Variants in ZRANB1 observed in about 807,000 individuals in gnomAD.
ZRANB1 encodes the protein ubiquitin thioesterase ZRANB1.
A neutral mutation model predicts 80.5 loss-of-function variants in ZRANB1; 16 were observed. The ratio of observed to expected loss-of-function variants is 0.20; its 90% CI spans 0.13 to 0.30. The LOEUF (loss-of-function observed/expected upper bound fraction) is 0.30. Ranked by LOEUF, ZRANB1 falls within the 10% of genes least tolerant of loss-of-function variation. The pLI is 1.00. For synonymous variants in ZRANB1, 291 were observed against 293.1 expected, an observed-to-expected ratio of 0.99 and a Z score of 0.07; for missense variants, 576 against 862.6, an observed-to-expected ratio of 0.67 and a Z score of 4.16.
At position 124,943,001 on chromosome 10, in the gene ZRANB1, G is replaced by A. The variant is rs1482750063; in HGVS notation, c.508G>A (p.Val170Ile). The A allele has an allele frequency of 1.2e-6, 2 of 1,614,204 alleles. No individual in the cohort carries two copies. The highest frequency in any genetic ancestry group is 1.3e-5 in the African/African-American group (1 of 75,058). The change falls in exon 1 of 9, where the codon GTT becomes ATT. Residue 170 changes from valine (V) to isoleucine (I), a missense_variant. Transcript: ENST00000359653. Reference protein sequence around the residue: ...YENWAKAKRCVVCDHPRPNNI... With the variant: ...YENWAKAKRCIVCDHPRPNNI... ...AAACTGGGCCAAGGCTAAAAGATGT[G>A]TTGTTTGTGATCATCCCAGACCTAA...
chr10:124,927,081 G>GA, the ZRANB1 span, among the ~76,000 whole-genome samples: 1 of 152,122 alleles, frequency 6.6e-6, no homozygotes, highest in East Asian at 1.9e-4. Flanking sequence ...TCAGCCTCCT[G>GA]AGTAGCTGGG....
At chr10:124,917,268 G>A in the ZRANB1 span, 379 of 154,302 alleles carry the variant, frequency 2.5e-3, 5 homozygotes, top group African/African-American at 8.9e-3. Context: ...AGCCGCCGCC[G>A]CCAGGTAACC....
At chr10:124,964,038 G>A (rs1347975296) in intron 1 of ZRANB1, among the ~76,000 whole-genome samples, 1 of 152,212 alleles carries the variant, frequency 6.6e-6, no homozygotes, top group African/African-American at 2.4e-5. Context: ...TGCCATGCTG[G>A]GGAATGGGCA....
At chr10:124,963,024 G>A (rs1008130090) in intron 1 of ZRANB1, among the ~76,000 whole-genome samples, 5 of 152,144 alleles carry the variant, frequency 3.3e-5, no homozygotes, top group African/African-American at 1.2e-4. Context: ...CCAGCACTTT[G>A]GGAGGCCGAG....
chr10:124,919,140 C>T, the ZRANB1 span, among the ~76,000 whole-genome samples: 8 of 152,180 alleles, frequency 5.3e-5, 1 homozygote, highest in Admixed American at 3.3e-4. Context: ...TTTTGGAACT[C>T]ATGATCTAGT....
At chr10:124,964,679 T>C (rs1398905795) in intron 1 of ZRANB1, among the ~76,000 whole-genome samples, 1 of 152,214 alleles carries the variant, frequency 6.6e-6, no homozygotes, top group Non-Finnish European at 1.5e-5. Context: ...TGGAAGTGTT[T>C]GGAACATTTT....
upstream of ZRANB1, among the ~76,000 whole-genome samples, chr10:124,939,735 T>G (rs1031300976): frequency 6.6e-6 from 1 of 152,202 alleles, no homozygotes; most frequent in African/African-American, 2.4e-5. Context: ...CATGCTCATT[T>G]TAATTTCCAG....
intron 1 of ZRANB1, chr10:124,945,434 T>TTTTTTTTTTTTTTTTTTA (rs60442724): frequency 8.1e-6 from 1 of 123,872 alleles, no homozygotes; most frequent in Non-Finnish European, 1.7e-5. Flanking sequence ...TTTTTTTTTT[T>TTTTTTTTTTTTTTTTTTA]CAGGGAGTAG....
chr10:124,985,175 A>G lies in ZRANB1; in HGVS notation c.*183A>G. On this transcript the variant is annotated 3_prime_UTR_variant, in exon 9 of 9. Coordinates refer to ENST00000359653, the MANE Select transcript of ZRANB1 (RefSeq NM_017580.3). The stretch of plus-strand genomic sequence containing the variant: ...TAATGCCTCTGCTGCGTGAGGAGAC[A>G]GAGAACTTTAGTTGGACTACAGTTT... 1 of 524,342 alleles carries G rather than the reference A, an allele frequency of 1.9e-6. No homozygotes were observed. The highest frequency in any genetic ancestry group is 3.3e-6 in the Non-Finnish European group (1 of 298,550). 32.5% of individuals were successfully genotyped at this position (524,342 alleles called of 1,614,324 possible).
chr10:124,922,487 G>C, the ZRANB1 span, among the ~76,000 whole-genome samples: 1 of 144,006 alleles, frequency 6.9e-6, no homozygotes, highest in Non-Finnish European at 1.5e-5. Context: ...CACCACACCT[G>C]GCTAATTTTT....
At chr10:124,971,476 G>A (rs1350155031) in intron 2 of ZRANB1, among the ~76,000 whole-genome samples, 2 of 152,180 alleles carry the variant, frequency 1.3e-5, no homozygotes, top group African/African-American at 4.8e-5. Context: ...AGGGCTTGAG[G>A]TCAGTGGGAA....
At chr10:124,966,445 T>C (rs1951776954) in intron 1 of ZRANB1, 149 bp from the exon 2 acceptor site, 2 of 768,028 alleles carry the variant, frequency 2.6e-6, no homozygotes, top group African/African-American at 1.7e-5. Flanking sequence ...AAAAACTTAT[T>C]TTCCTTACTC....
chr10:124,985,340 A>T lies in ZRANB1; in HGVS notation c.*348A>T, dbSNP rs1325501183. ...CCAGCATCTTCATATTATTGAGAAA[A>T]TTTTTTCCAGCATGGGCACTTAGAA... On this transcript the variant is annotated 3_prime_UTR_variant, in exon 9 of 9. Transcript: ENST00000359653. 2 of 179,812 alleles carry T rather than the reference A, an allele frequency of 1.1e-5. No homozygotes were observed. The highest frequency in any genetic ancestry group is 2.3e-5 in the Non-Finnish European group (2 of 86,584). 11.1% of individuals were successfully genotyped at this position (179,812 alleles called of 1,614,324 possible).
rs143568810 is a variant in ZRANB1 at position 124,942,638 on chromosome 10, G to A, written c.145G>A (p.Val49Ile). ...TCCATTTAAAAGTGGTTCAAGTGAT[G>A]TTGGTAGAGATTGGGATCCTTCCAG... ...EDPFKSGSSDVGRDWDPSSTE... is the reference protein window; with the variant it reads ...EDPFKSGSSDIGRDWDPSSTE... Residue 49 changes from valine (V) to isoleucine (I), a missense_variant, in exon 1 of 9, where the codon GTT becomes ATT. Val to Ile is a conservative substitution (Grantham distance 29). Coordinates refer to ENST00000359653, the MANE Select transcript of ZRANB1 (RefSeq NM_017580.3). 2,308 of 1,614,258 alleles carry A rather than the reference G, an allele frequency of 1.4e-3. 33 individuals are homozygous for A. The African/African-American group carries it at 0.028, about 20-fold the overall frequency.
chr10:124,983,732 A>AC lies in ZRANB1; in HGVS notation c.1908+46dup, dbSNP rs1951964156. ...GAACTATTTCTAGTAGTGACCTTGT[A>AC]CCAGAAACAGCCTGAAGTGCCTTTC... On this transcript the variant is annotated intron_variant, in intron 8 of 8. Coordinates refer to ENST00000359653, the MANE Select transcript of ZRANB1 (RefSeq NM_017580.3). This position sits in a 1 kb window ranked among gnomAD's most constrained non-coding sequence, Gnocchi z 6.2. 6.8e-7 allele frequency: 1 copy of AC among 1,462,540 alleles called. No homozygotes were observed. The highest frequency in any genetic ancestry group is 1.4e-5 in the African/African-American group (1 of 71,290). 90.6% of individuals were successfully genotyped at this position (1,462,540 alleles called of 1,614,324 possible). A position where few individuals can be genotyped will look rare whatever the true frequency, so the allele number is the denominator to read the frequency against.
At chr10:124,918,467 G>C in the ZRANB1 span, among the ~76,000 whole-genome samples, 24 of 152,346 alleles carry the variant, frequency 1.6e-4, no homozygotes, top group African/African-American at 5.8e-4. Flanking sequence ...TGGATTATAG[G>C]CATGTGCCAC....
chr10:124,978,006 C>T (rs1951894642), intron 5 of ZRANB1, among the ~76,000 whole-genome samples: 2 of 152,144 alleles, frequency 1.3e-5, no homozygotes, highest in African/African-American at 4.8e-5. Flanking sequence ...GTTTACAGTT[C>T]AGGCATAGGA....
intron 2 of ZRANB1, among the ~76,000 whole-genome samples, chr10:124,970,833 G>GTTTTTTTTTTTTTTTTTTTTTTTTTTTTT: frequency 1.2e-5 from 1 of 85,380 alleles, no homozygotes; most frequent in Non-Finnish European, 2.1e-5. Context: ...TCTCTTTGGG[G>GTTTTTTTTTTTTTTTTTTTTTTTTTTTTT]TTTTTTTTTT....
upstream of ZRANB1, among the ~76,000 whole-genome samples, chr10:124,938,974 T>A (rs1951511910): frequency 6.6e-6 from 1 of 151,904 alleles, no homozygotes; most frequent in African/African-American, 2.4e-5. Context: ...GCCAGGAGTT[T>A]GAGACCAGCC....
Sources: gnomAD v4.1 joint callset for allele counts (sites outside exome capture counted in the v4.1 genomes callset) on GRCh38, gnomAD v4.1.1 for gene constraint, Gnocchi (gnomAD v3.1) non-coding constraint, MANE v1.5 for transcripts, NCBI Gene and HGNC (gene_info 2026-07-23, HGNC 2026-07-21) for gene names.